Variants in GMDS observed in about 807,000 individuals in gnomAD.
GMDS encodes GDP-mannose 4,6 dehydratase.
Under a neutral mutation model 49.9 loss-of-function variants are expected in GMDS, and 20 were observed. The observed-to-expected ratio is 0.40, with a 90% confidence interval of 0.28 to 0.58. The LOEUF is 0.58. Among genes scored for constraint, GMDS ranks in the 20% least tolerant of loss-of-function variants. The pLI is 0.42. For synonymous variants in GMDS, 177 were observed against 178.6 expected (o/e 0.99, Z 0.07); for missense variants, 362 against 481.4 (o/e 0.75, Z 2.32).
rs915498984 is a variant in GMDS at position 1,708,424 on chromosome 6, C to T, written c.987+17992G>A. On this transcript the variant is annotated intron_variant, in intron 9 of 10. Coordinates refer to ENST00000380815, the MANE Select transcript of GMDS (RefSeq NM_001500.4). ...ACCACCTCTGAAGGCGTTGTCAATA[C>T]AGCAACAGCAACGAGGACAAACATG... 3.2e-4 allele frequency among the ~76,000 whole-genome samples: 49 copies of T among 152,224 alleles called. 1 individual carries two copies. Among genetic ancestry groups the T allele is most frequent in the Non-Finnish European group, 7.3e-5 (5 of 68,042 alleles).
rs572980654 is a variant in GMDS, at chr6:1,735,701, G to A, written c.890+6767C>T. Among the ~76,000 whole-genome samples, 18 of 152,170 alleles carry A rather than the reference G, an allele frequency of 1.2e-4. No individual in the cohort carries two copies. The East Asian group carries it at 1.9e-3, about 16-fold the overall frequency. On this transcript the variant is annotated intron_variant, in intron 8 of 10. Coordinates refer to ENST00000380815, the MANE Select transcript of GMDS (RefSeq NM_001500.4). ...AATGTCTTCCTCCTTCCTATCATCC[G>A]TATCTCCCAATCTGGACAAGGTCCA... is the stretch of plus-strand genomic sequence containing the variant.
chr6:2,060,300 C>T (rs1771068125), intron 4 of GMDS, among the ~76,000 whole-genome samples: 1 of 152,258 alleles, frequency 6.6e-6, no homozygotes, highest in Admixed American at 6.5e-5. Context: ...CCATGATGCT[C>T]GTTTTTCGTT....
intron 7 of GMDS, among the ~76,000 whole-genome samples, chr6:1,772,301 T>C (rs1768609562): frequency 6.6e-6 from 1 of 152,212 alleles, no homozygotes; most frequent in African/African-American, 2.4e-5. Flanking sequence ...TTCTTATAAT[T>C]GGAAAGTGCT....
chr6:2,071,124 G>T (rs1039363024), intron 4 of GMDS, among the ~76,000 whole-genome samples: 1 of 152,144 alleles, frequency 6.6e-6, no homozygotes, highest in Non-Finnish European at 1.5e-5. Flanking sequence ...TGAAGAACAT[G>T]AGTTGCCACC....
At chr6:1,681,656 A>G (rs1184711673) in intron 9 of GMDS, among the ~76,000 whole-genome samples, 4 of 152,168 alleles carry the variant, frequency 2.6e-5, no homozygotes, top group Non-Finnish European at 5.9e-5. Context: ...CCCCCACCAT[A>G]AAGTGCTGGA....
intron 4 of GMDS, among the ~76,000 whole-genome samples, chr6:2,072,062 T>A (rs1346258976): frequency 6.6e-6 from 1 of 152,162 alleles, no homozygotes; most frequent in East Asian, 1.9e-4. Context: ...GGCAGGGGCG[T>A]GTGTGCATGT....
chr6:1,903,239 T>C (rs900035823), intron 7 of GMDS, among the ~76,000 whole-genome samples: 1 of 152,228 alleles, frequency 6.6e-6, no homozygotes, highest in South Asian at 2.1e-4. Flanking sequence ...AATTTAACTT[T>C]AAAGTCATAT....
At chr6:2,012,384 T>C (rs550677448) in intron 4 of GMDS, among the ~76,000 whole-genome samples, 3 of 152,304 alleles carry the variant, frequency 2.0e-5, no homozygotes, top group East Asian at 1.9e-4. Flanking sequence ...TAAGACTCAA[T>C]AATATGTTTT....
rs114058374 is a variant in GMDS at position 2,144,705 on chromosome 6, A to G, written c.103-19974T>C. 5.7e-3 allele frequency among the ~76,000 whole-genome samples: 867 copies of G among 152,302 alleles called. 2 individuals are homozygous for G. Among genetic ancestry groups the G allele is most frequent in the Middle Eastern group, 0.017 (5 of 294 alleles). On this transcript the variant is annotated intron_variant, in intron 1 of 10. Coordinates refer to ENST00000380815, the MANE Select transcript of GMDS (RefSeq NM_001500.4). ...CAAGGGCAGCCTCTTCCCAACCACA[A>G]TGGTTTCTAAGATGTCAAAACATCA...
intron 9 of GMDS, among the ~76,000 whole-genome samples, chr6:1,712,657 C>A (rs2113397280): frequency 6.6e-6 from 1 of 152,164 alleles, no homozygotes; most frequent in South Asian, 2.1e-4. Context: ...GTCTCTGATG[C>A]TGACCACAAA....
intron 4 of GMDS, among the ~76,000 whole-genome samples, chr6:1,970,276 C>T (rs1390249484): frequency 6.6e-6 from 1 of 152,256 alleles, no homozygotes; most frequent in Non-Finnish European, 1.5e-5. Context: ...CTGTTTACTG[C>T]TTCTCTGTAA....
intron 7 of GMDS, among the ~76,000 whole-genome samples, chr6:1,844,734 C>A (rs1757309205): frequency 6.6e-6 from 1 of 152,310 alleles, no homozygotes; most frequent in Non-Finnish European, 1.5e-5. Context: ...CTGCACCTAT[C>A]TAGCAACTTT....
At position 1,982,143 on chromosome 6, in the gene GMDS, T is replaced by C. The variant is rs538953975; in HGVS notation, c.346-21177A>G. On this transcript the variant is annotated intron_variant, in intron 4 of 10. Coordinates refer to ENST00000380815, the MANE Select transcript of GMDS (RefSeq NM_001500.4). ...TGACATGGTGAAACCCCATCTCTAC[T>C]AAAAATACAAAAATTAGCCAGGCGT... Among the ~76,000 whole-genome samples the C allele has an allele frequency of 1.2e-4, 18 of 152,130 alleles. 1 individual carries two copies. The South Asian group carries it at 2.9e-3, about 25-fold the overall frequency.
chr6:1,680,382 AC>A (rs1404966056), intron 9 of GMDS, among the ~76,000 whole-genome samples: 1 of 152,134 alleles, frequency 6.6e-6, no homozygotes. Context: ...ACAGGGCCTG[AC>A]CCCTATCAGA....
intron 6 of GMDS, 106 bp downstream of exon 6, chr6:1,959,761 A>C: frequency 2.1e-6 from 1 of 485,628 alleles, no homozygotes; most frequent in East Asian, 3.3e-5. Context: ...AATTAGATAC[A>C]GATAGGAAAT....
chr6:2,161,951 C>G (rs1309966368), intron 1 of GMDS, among the ~76,000 whole-genome samples: 1 of 152,146 alleles, frequency 6.6e-6, no homozygotes, highest in Non-Finnish European at 1.5e-5. Context: ...CACAGATAAG[C>G]TACAATACAG....
At chr6:1,882,645 G>T (rs765006833) in intron 7 of GMDS, among the ~76,000 whole-genome samples, 12 of 152,198 alleles carry the variant, frequency 7.9e-5, no homozygotes, top group Non-Finnish European at 1.6e-4. Context: ...GTCATAAGCA[G>T]TGTCTAGCAG....
intron 7 of GMDS, among the ~76,000 whole-genome samples, chr6:1,840,593 G>T (rs915852597): frequency 6.6e-6 from 1 of 152,148 alleles, no homozygotes; most frequent in East Asian, 1.9e-4. Flanking sequence ...CTGCTAGTGG[G>T]GAGCCCCTAC....
At chr6:1,697,515 T>C (rs537632404) in intron 9 of GMDS, among the ~76,000 whole-genome samples, 87 of 152,340 alleles carry the variant, frequency 5.7e-4, no homozygotes, top group Admixed American at 4.8e-3. Context: ...TATTCCTTAA[T>C]AGAAAACAAT....
Sources: gnomAD v4.1 joint callset for allele counts (sites outside exome capture counted in the v4.1 genomes callset) on GRCh38, gnomAD v4.1.1 for gene constraint, MANE v1.5 for transcripts, NCBI Gene and HGNC (gene_info 2026-07-23, HGNC 2026-07-21) for gene names.